Variants in PTH2R observed in about 807,000 individuals in gnomAD.
PTH2R encodes the protein PTH2 receptor.
PTH2R carries 59 observed loss-of-function variants against 60.3 expected under a neutral mutation model. The ratio of observed to expected loss-of-function variants is 0.98; its 90% CI spans 0.79 to 1.22. The LOEUF (loss-of-function observed/expected upper bound fraction) is 1.22, where lower values mean the gene tolerates loss of function less well. PTH2R is among the 50% of genes most tolerant of loss of function. The pLI, the probability that PTH2R is intolerant of heterozygous loss-of-function variation, is 0.00. For synonymous variants in PTH2R, 256 were observed against 243.8 expected (o/e 1.05, Z -0.47); for missense variants, 749 against 682.6 (o/e 1.10, Z -1.08).
At chr2:208,477,000 G>A (rs1703019612) in intron 9 of PTH2R, among the ~76,000 whole-genome samples, 2 of 152,124 alleles carry the variant, frequency 1.3e-5, no homozygotes, top group African/African-American at 4.8e-5. Context: ...CATCTTTTGC[G>A]AGTTATGCCT....
intron 10 of PTH2R, among the ~76,000 whole-genome samples, chr2:208,482,462 T>C (rs1703176193): frequency 6.6e-6 from 1 of 152,168 alleles, no homozygotes; most frequent in Non-Finnish European, 1.5e-5. Context: ...GGTGAGATGG[T>C]CACATGGGGA....
chr2:208,400,864 A>G (rs556996787), intron 1 of PTH2R, among the ~76,000 whole-genome samples: 12 of 152,330 alleles, frequency 7.9e-5, no homozygotes, highest in African/African-American at 2.4e-4. Context: ...AACCAGATGT[A>G]TATGTATCTC....
chr2:208,378,344 G>A (rs1347028539), intron 1 of PTH2R, among the ~76,000 whole-genome samples: 2 of 151,896 alleles, frequency 1.3e-5, no homozygotes, highest in East Asian at 3.9e-4. Context: ...CTTTGGCTCG[G>A]CATCAGAGGG....
intron 2 of PTH2R, among the ~76,000 whole-genome samples, chr2:208,431,800 A>G (rs1398597846): frequency 6.6e-6 from 1 of 152,226 alleles, no homozygotes; most frequent in Non-Finnish European, 1.5e-5. Context: ...GAACACCACC[A>G]AAACTCTAAG....
intron 1 of PTH2R, chr2:208,360,348 G>C (rs1258834398): frequency 6.5e-6 from 2 of 308,506 alleles, no homozygotes; most frequent in Non-Finnish European, 6.5e-6. Flanking sequence ...GCCTCCCCGA[G>C]CCCCTCGGGG....
At chr2:208,417,176 T>C (rs552187878) in intron 1 of PTH2R, among the ~76,000 whole-genome samples, 1 of 152,342 alleles carries the variant, frequency 6.6e-6, no homozygotes, top group African/African-American at 2.4e-5. Flanking sequence ...CATATTAGTT[T>C]CAGGAAATTT....
rs775369232 is a variant in PTH2R at position 208,437,843 on chromosome 2, T to C, written c.373T>C (p.Cys125Arg). 1 of 1,613,884 alleles carries C rather than the reference T, an allele frequency of 6.2e-7. No homozygotes were observed. The highest frequency in any genetic ancestry group is 8.5e-7 in the Non-Finnish European group (1 of 1,179,756). ...LNKTWANYSD[C>R]LRFLQPDISI... ...TAAAACATGGGCCAATTATTCAGACTGCCTTCGCTTTCTGCAGCCAGATAT... is the reference window on the plus strand; with the variant it reads ...TAAAACATGGGCCAATTATTCAGACCGCCTTCGCTTTCTGCAGCCAGATAT... The change falls in exon 4 of 13, where the codon TGC (cysteine) becomes CGC (arginine). Residue 125 changes from cysteine to arginine, a missense_variant. Transcript: ENST00000272847.
chr2:208,491,955 T>G (rs1212558204), intron 12 of PTH2R, among the ~76,000 whole-genome samples: 1 of 152,184 alleles, frequency 6.6e-6, no homozygotes, highest in East Asian at 1.9e-4. Context: ...TTATCCAAGA[T>G]GATGGTGCTT....
chr2:208,403,259 A>G (rs980790541), upstream of PTH2R, among the ~76,000 whole-genome samples: 2 of 152,164 alleles, frequency 1.3e-5, no homozygotes, highest in South Asian at 2.1e-4. Flanking sequence ...GAATTTTTTT[A>G]TTGAGGAAAT....
At chr2:208,476,066 A>G (rs1702996005) in intron 9 of PTH2R, among the ~76,000 whole-genome samples, 1 of 152,158 alleles carries the variant, frequency 6.6e-6, no homozygotes. Context: ...GGCAGAAGGA[A>G]TAAGATGGTA....
intron 10 of PTH2R, among the ~76,000 whole-genome samples, chr2:208,487,972 C>G (rs1451712016): frequency 1.3e-5 from 2 of 152,076 alleles, no homozygotes; most frequent in Non-Finnish European, 2.9e-5. Flanking sequence ...CCATAATCTA[C>G]TGGTTAGACA....
chr2:208,431,257 C>T (rs1018806742), intron 2 of PTH2R, among the ~76,000 whole-genome samples: 1 of 152,128 alleles, frequency 6.6e-6, no homozygotes, highest in African/African-American at 2.4e-5. Flanking sequence ...CTGAAGTCTT[C>T]GTATTCAATT....
intron 1 of PTH2R, among the ~76,000 whole-genome samples, chr2:208,421,363 G>A (rs187990821): frequency 1.1e-3 from 168 of 147,654 alleles, no homozygotes; most frequent in Non-Finnish European, 1.9e-3. Flanking sequence ...TTTCATATTG[G>A]GGGTGTGTGT....
chr2:208,392,941 C>T (rs1445366312), intron 1 of PTH2R, among the ~76,000 whole-genome samples: 2 of 152,232 alleles, frequency 1.3e-5, no homozygotes, highest in African/African-American at 4.8e-5. Context: ...AAAGACCTGT[C>T]TTCAGCAGTT....
At chr2:208,376,674 C>T (rs540131655) in intron 1 of PTH2R, among the ~76,000 whole-genome samples, 3 of 152,124 alleles carry the variant, frequency 2.0e-5, no homozygotes, top group Non-Finnish European at 4.4e-5. Flanking sequence ...AATCATCTAT[C>T]AAAACCCAGC....
At chr2:208,413,644 T>C (rs187237867) in intron 1 of PTH2R, among the ~76,000 whole-genome samples, 3 of 152,246 alleles carry the variant, frequency 2.0e-5, no homozygotes, top group Non-Finnish European at 4.4e-5. Flanking sequence ...GAACATGTAT[T>C]ATTTTTACAT....
At chr2:208,378,619 T>C (rs557798817) in intron 1 of PTH2R, among the ~76,000 whole-genome samples, 2 of 152,154 alleles carry the variant, frequency 1.3e-5, no homozygotes, top group South Asian at 4.1e-4. Context: ...TTCACCCTTT[T>C]CTACCCTATG....
intron 1 of PTH2R, among the ~76,000 whole-genome samples, chr2:208,425,914 T>C (rs990508557): frequency 6.6e-6 from 1 of 152,254 alleles, no homozygotes; most frequent in African/African-American, 2.4e-5. Context: ...TAGCCTGCTC[T>C]GCTATCTTCT....
intron 1 of PTH2R, among the ~76,000 whole-genome samples, chr2:208,362,538 C>G (rs1426659882): frequency 6.6e-6 from 1 of 151,944 alleles, no homozygotes; most frequent in Non-Finnish European, 1.5e-5. Context: ...ATCATAGATG[C>G]AGAGATATCA....
Sources: allele counts gnomAD v4.1 joint callset (sites outside exome capture counted in the v4.1 genomes callset), GRCh38; gene constraint gnomAD v4.1.1; transcripts MANE v1.5; gene names NCBI Gene and HGNC (gene_info 2026-07-23, HGNC 2026-07-21).